Variants in RSPH9 observed in about 807,000 individuals in gnomAD.
RSPH9 encodes radial spoke head protein 9 homolog.
RSPH9 carries 27 observed loss-of-function variants against 27.0 expected under a neutral mutation model. The ratio of observed to expected loss-of-function variants is 1.00; its 90% CI spans 0.74 to 1.38. The LOEUF is 1.38. Among genes scored for constraint, RSPH9 ranks in the 40% most tolerant of loss-of-function variants. RSPH9 has a pLI of 0.00. For synonymous variants in RSPH9, 145 were observed against 147.7 expected (o/e 0.98, Z 0.13); for missense variants, 347 against 357.4 (o/e 0.97, Z 0.24).
At chr6:43,655,322 T>G (rs1319917216) in intron 2 of RSPH9, among the ~76,000 whole-genome samples, 2 of 151,962 alleles carry the variant, frequency 1.3e-5, no homozygotes, top group Non-Finnish European at 2.9e-5. Context: ...GAAAGACTGA[T>G]TTTTTCCTGT....
chr6:43,655,570 C>T lies in RSPH9; in HGVS notation c.402C>T (p.Ile134=), dbSNP rs1310539253. The part of the protein sequence containing the change: ...KVFEEEIVVQ[I]KEETRLVSVI... ...CTCTCCTGTCTCCTCAGGTCCAGAT[C>T]AAGGAAGAGACCCGCTTGGTGTCTG... The change falls in exon 3 of 5, where the codon ATC becomes ATT. Residue 134 remains isoleucine, a synonymous_variant. Transcript: ENST00000372163. The T allele has an allele frequency of 6.2e-7, 1 of 1,614,000 alleles. No individual in the cohort carries two copies. The highest frequency in any genetic ancestry group is 8.5e-7 in the Non-Finnish European group (1 of 1,180,024).
Position 43,668,183 on chromosome 6 carries a change from C to T in RSPH9, c.671-2606C>T, listed in dbSNP as rs188590942. 2.4e-3 allele frequency among the ~76,000 whole-genome samples: 360 copies of T among 152,268 alleles called. 3 individuals carry two copies. The highest frequency in any genetic ancestry group is 7.3e-3 in the African/African-American group (305 of 41,534). The stretch of plus-strand genomic sequence containing the variant: ...GGGGCTTTTCCCCGAGTCCTGGAGG[C>T]GGTGACAGCAGCTGGCTGGGCTCAG... On this transcript the variant is annotated intron_variant, in intron 4 of 4. Coordinates refer to ENST00000372163, the MANE Select transcript of RSPH9 (RefSeq NM_152732.5).
intron 2 of RSPH9, among the ~76,000 whole-genome samples, chr6:43,653,921 A>C (rs1446481494): frequency 6.6e-6 from 1 of 151,942 alleles, no homozygotes; most frequent in Non-Finnish European, 1.5e-5. Flanking sequence ...CAAACTCCCG[A>C]CCTCAGGTGA....
chr6:43,650,924 A>AG (rs1187228237), intron 2 of RSPH9, among the ~76,000 whole-genome samples: 1 of 150,802 alleles, frequency 6.6e-6, no homozygotes, highest in Middle Eastern at 3.4e-3. Context: ...AAAAAAGAAA[A>AG]GAAAAAAAAG....
In RSPH9 at chr6:43,672,265, G is replaced by C; in HGVS notation, c.*1316G>C. On this transcript the variant is annotated 3_prime_UTR_variant, in exon 5 of 5. Transcript: ENST00000372163. Reference sequence around the variant, plus strand: ...TGGCCTCAGCCATGGGGCGAGAAGAGCTGATGTAAGGCTCTGGAGGAACCC... The same window carrying C: ...TGGCCTCAGCCATGGGGCGAGAAGACCTGATGTAAGGCTCTGGAGGAACCC... The C allele has an allele frequency of 2.3e-6, 1 of 436,490 alleles. No individual in the cohort carries two copies. The highest frequency in any genetic ancestry group is 4.7e-6 in the Non-Finnish European group (1 of 211,236). 27.0% of individuals were successfully genotyped at this position (436,490 alleles called of 1,614,324 possible). A position where few individuals can be genotyped will look rare whatever the true frequency, so the allele number is the denominator to read the frequency against.
At chr6:43,662,345 A>T (rs889066947) in intron 4 of RSPH9, among the ~76,000 whole-genome samples, 1 of 151,450 alleles carries the variant, frequency 6.6e-6, no homozygotes, top group African/African-American at 2.4e-5. Flanking sequence ...CTTTCTACAT[A>T]TCAGCAAGAA....
intron 2 of RSPH9, among the ~76,000 whole-genome samples, chr6:43,651,156 T>C (rs1771429826): frequency 6.6e-6 from 1 of 152,148 alleles, no homozygotes; most frequent in Non-Finnish European, 1.5e-5. Context: ...TGCTAGGCAA[T>C]GTGCTACTGT....
chr6:43,671,804 G>C lies in RSPH9; in HGVS notation c.*855G>C. On this transcript the variant is annotated 3_prime_UTR_variant, in exon 5 of 5. Coordinates refer to ENST00000372163, the MANE Select transcript of RSPH9 (RefSeq NM_152732.5). ...AAGGTGTTCTTGAGTAGCAGACATT[G>C]TCCCTCAGAAGGGGTGACCCCACGG... 1 of 1,614,214 alleles carries C rather than the reference G, an allele frequency of 6.2e-7. No homozygotes were observed. The highest frequency in any genetic ancestry group is 8.5e-7 in the Non-Finnish European group (1 of 1,180,036).
Position 43,671,654 on chromosome 6 carries a change from C to A in RSPH9, c.*705C>A. 2.3e-6 allele frequency: 3 copies of A among 1,330,678 alleles called. No homozygotes were observed. The highest frequency in any genetic ancestry group is 4.6e-5 in the East Asian group (2 of 43,302). 82.4% of individuals were successfully genotyped at this position (1,330,678 alleles called of 1,614,324 possible). On this transcript the variant is annotated 3_prime_UTR_variant, in exon 5 of 5. Transcript: ENST00000372163. ...GTCCATGCATGTTGGAGGGACCAGG[C>A]CATCGTGGTGGGGTGGGACAGGAGT...
At chr6:43,669,824 C>T (rs967480706) in intron 4 of RSPH9, among the ~76,000 whole-genome samples, 3 of 152,162 alleles carry the variant, frequency 2.0e-5, no homozygotes, top group African/African-American at 7.2e-5. Context: ...CATGGCTGCA[C>T]GACTCAGCCC....
chr6:43,667,737 C>T (rs77474579), intron 4 of RSPH9, among the ~76,000 whole-genome samples: 3,132 of 152,196 alleles, frequency 0.021, 105 homozygotes, highest in African/African-American at 0.071. Flanking sequence ...TCTTGTGGCC[C>T]TTGTAGGGGA....
At chr6:43,665,433 G>A (rs1022405301) in intron 4 of RSPH9, among the ~76,000 whole-genome samples, 1 of 152,244 alleles carries the variant, frequency 6.6e-6, no homozygotes, top group African/African-American at 2.4e-5. Flanking sequence ...GAGCTTAGGA[G>A]TTTGAGGTTA....
intron 2 of RSPH9, among the ~76,000 whole-genome samples, chr6:43,653,066 A>C (rs1028610908): frequency 1.3e-5 from 2 of 150,210 alleles, no homozygotes; most frequent in African/African-American, 4.9e-5. Flanking sequence ...CAATCCTCCC[A>C]CCTCAGCCTC....
At chr6:43,653,977 C>T (rs560074277) in intron 2 of RSPH9, among the ~76,000 whole-genome samples, 27 of 152,326 alleles carry the variant, frequency 1.8e-4, no homozygotes, top group Non-Finnish European at 3.5e-4. Flanking sequence ...CAGGCGTGAG[C>T]CACCGGGCCC....
At position 43,645,328 on chromosome 6, in the gene RSPH9, G is replaced by C. The variant is rs1314116609; in HGVS notation, c.227+3G>C. 6.2e-7 allele frequency: 1 copy of C among 1,612,306 alleles called. No individual in the cohort carries two copies. Among genetic ancestry groups the C allele is most frequent in the East Asian group, 2.2e-5 (1 of 44,844 alleles). On this transcript the variant is annotated splice_donor_region_variant and intron_variant, in intron 1 of 4. Coordinates refer to ENST00000372163, the MANE Select transcript of RSPH9 (RefSeq NM_152732.5). ...GCACCGCGCAAGACGCTCTATAGGT[G>C]AGGAGGCCCCCGGGACGGGCTCCCC...
chr6:43,650,319 GA>G lies in RSPH9; in HGVS notation c.228-54del, dbSNP rs1217876684. 2.6e-5 allele frequency: 42 copies of G among 1,599,878 alleles called. No individual in the cohort carries two copies. In the African/African-American group the frequency reaches 5.0e-4, roughly 19 times the overall value. On this transcript the variant is annotated intron_variant, in intron 1 of 4. Coordinates refer to ENST00000372163, the MANE Select transcript of RSPH9 (RefSeq NM_152732.5). ...CACTAGACAGAAGGGAAGATAATAG[GA>G]ATAGTGGGTGAGAAGGGAGTTGGAA...
intron 1 of RSPH9, among the ~76,000 whole-genome samples, chr6:43,646,191 G>A (rs1309217849): frequency 2.0e-5 from 3 of 151,802 alleles, no homozygotes; most frequent in African/African-American, 4.8e-5. Flanking sequence ...GAGTGCAGTG[G>A]CTCGATCTCG....
rs754771287 is a variant in RSPH9, at chr6:43,672,381, C to A, written c.*1432C>A. ...ACTGGTATAAGACCCCTGCCCCTCACCCAACCTGTGATGGGAATCAAGGGG... is the reference window on the plus strand; with the variant it reads ...ACTGGTATAAGACCCCTGCCCCTCAACCAACCTGTGATGGGAATCAAGGGG... On this transcript the variant is annotated 3_prime_UTR_variant, in exon 5 of 5. Coordinates refer to ENST00000372163, the MANE Select transcript of RSPH9 (RefSeq NM_152732.5). 1 of 471,644 alleles carries A rather than the reference C, an allele frequency of 2.1e-6. No individual in the cohort carries two copies. Among genetic ancestry groups the A allele is most frequent in the African/African-American group, 2.0e-5 (1 of 50,122 alleles). 29.2% of individuals were successfully genotyped at this position (471,644 alleles called of 1,614,324 possible).
intron 2 of RSPH9, among the ~76,000 whole-genome samples, chr6:43,654,379 C>CT (rs1771796554): frequency 6.6e-6 from 1 of 152,162 alleles, no homozygotes; most frequent in African/African-American, 2.4e-5. Context: ...AACTGTGACT[C>CT]TAATTTTGCT....
Sources: gnomAD v4.1 joint callset for allele counts (sites outside exome capture counted in the v4.1 genomes callset) on GRCh38, gnomAD v4.1.1 for gene constraint, MANE v1.5 for transcripts, NCBI Gene and HGNC (gene_info 2026-07-23, HGNC 2026-07-21) for gene names.